TCF7L1: variants seen among roughly 807,000 people sequenced by gnomAD.
TCF7L1 encodes transcription factor 7 like 1, also known as transcription factor 7-like 1.
TCF7L1 carries 18 observed loss-of-function variants against 63.7 expected under a neutral mutation model. The ratio of observed to expected loss-of-function variants is 0.28; its 90% CI spans 0.20 to 0.42. The LOEUF (loss-of-function observed/expected upper bound fraction) is 0.42. TCF7L1 is among the 10% of genes least tolerant of loss of function. The pLI, the probability that TCF7L1 is intolerant of heterozygous loss-of-function variation, is 1.00. For missense variants in TCF7L1, 654 were observed against 779.3 expected (o/e 0.84, Z 1.91); for synonymous variants, 355 against 340.9 (o/e 1.04, Z -0.46).
rs534425547 is a variant in TCF7L1 at position 85,172,995 on chromosome 2, G to A, written c.441+38545G>A. Among the ~76,000 whole-genome samples, 68 of 152,382 alleles carry A rather than the reference G, an allele frequency of 4.5e-4. 1 individual carries two copies. The highest frequency in any genetic ancestry group is 1.6e-3 in the African/African-American group (65 of 41,584). ...ACTGGTCTACCCCAGCACCCGGACAGTGTCAGCACACCGGAGGTGCCCAAG... is the reference window on the plus strand; with the variant it reads ...ACTGGTCTACCCCAGCACCCGGACAATGTCAGCACACCGGAGGTGCCCAAG... On this transcript the variant is annotated intron_variant, in intron 3 of 11. Transcript: ENST00000282111.
intron 4 of TCF7L1, among the ~76,000 whole-genome samples, chr2:85,292,623 C>G (rs898441997): frequency 6.6e-6 from 1 of 152,182 alleles, no homozygotes; most frequent in African/African-American, 2.4e-5. Flanking sequence ...GTCACCCAGG[C>G]TGGAGTGCAG....
intron 3 of TCF7L1, among the ~76,000 whole-genome samples, chr2:85,253,018 G>T (rs1389080276): frequency 6.6e-6 from 1 of 152,170 alleles, no homozygotes; most frequent in Non-Finnish European, 1.5e-5. Context: ...AGCATGTCAT[G>T]ACATGGAAGA....
Position 85,133,910 on chromosome 2 carries a change from C to T in TCF7L1, c.226C>T (p.Gln76Ter). ...GTCCCTGGTCAACGAGTCGGAGAACCAGAGCAGCAGCTCGGACTCGGAGGT... is the reference window on the plus strand; with the variant it reads ...GTCCCTGGTCAACGAGTCGGAGAACTAGAGCAGCAGCTCGGACTCGGAGGT... The part of the protein sequence containing the change: ...KSSLVNESEN[Q>*]SSSSDSEAER... The change falls in exon 1 of 12, where the codon CAG becomes TAG. Residue 76 changes from glutamine (Q) to a stop codon, truncating the protein, a stop_gained. Coordinates refer to ENST00000282111, the MANE Select transcript of TCF7L1 (RefSeq NM_031283.3). LOFTEE classifies it high-confidence loss of function. The surrounding 1 kb of genome is among the most constrained non-coding windows in gnomAD (Gnocchi z 4.4). The T allele has an allele frequency of 6.6e-7, 1 of 1,525,532 alleles. No individual in the cohort carries two copies. The highest frequency in any genetic ancestry group is 1.2e-5 in the South Asian group (1 of 80,036). The allele number at this position is 1,525,532 out of a possible 1,614,324, so 94.5% of individuals were successfully genotyped here.
chr2:85,250,633 C>T (rs1372086226), intron 3 of TCF7L1, among the ~76,000 whole-genome samples: 2 of 152,100 alleles, frequency 1.3e-5, no homozygotes, highest in Non-Finnish European at 2.9e-5. Flanking sequence ...GACAGGGTTT[C>T]GCCATGTTGG....
At chr2:85,147,217 T>G (rs1677899846) in intron 3 of TCF7L1, among the ~76,000 whole-genome samples, 1 of 152,224 alleles carries the variant, frequency 6.6e-6, no homozygotes, top group Non-Finnish European at 1.5e-5. Flanking sequence ...GCAGTCTGCC[T>G]AGGCCGTGTC....
intron 3 of TCF7L1, among the ~76,000 whole-genome samples, chr2:85,145,849 A>AT (rs539242348): frequency 1.3e-5 from 2 of 151,946 alleles, no homozygotes; most frequent in Non-Finnish European, 2.9e-5. Context: ...CTATGTTTTT[A>AT]TTTTATTTTA....
At position 85,226,916 on chromosome 2, in the gene TCF7L1, A is replaced by T. The variant is rs150035919; in HGVS notation, c.442-56579A>T. 9.9e-3 allele frequency among the ~76,000 whole-genome samples: 1,494 copies of T among 151,452 alleles called. 24 individuals are homozygous for T. The highest frequency in any genetic ancestry group is 0.034 in the African/African-American group (1,413 of 41,202). ...CATCCTCATTGATCATAAATTGAACACAAGGTCTTGCTTCTAAGACAGCGA... is the reference window on the plus strand; with the variant it reads ...CATCCTCATTGATCATAAATTGAACTCAAGGTCTTGCTTCTAAGACAGCGA... On this transcript the variant is annotated intron_variant, in intron 3 of 11. Coordinates refer to ENST00000282111, the MANE Select transcript of TCF7L1 (RefSeq NM_031283.3).
rs1439046464 is a variant in TCF7L1, at chr2:85,151,707, A to G, written c.441+17257A>G. 2.6e-5 allele frequency among the ~76,000 whole-genome samples: 4 copies of G among 152,242 alleles called. No homozygotes were observed. The East Asian group carries it at 7.7e-4, about 29-fold the overall frequency. ...ACCAGTTTGCCACTTACTTTGATAA[A>G]TAAAGTTTTATTAGAACACAGCTAT... is the stretch of plus-strand genomic sequence containing the variant. On this transcript the variant is annotated intron_variant, in intron 3 of 11. Transcript: ENST00000282111.
intron 6 of TCF7L1, 36 bp from the exon 7 acceptor site, chr2:85,304,219 T>C: frequency 6.3e-7 from 1 of 1,594,834 alleles, no homozygotes; most frequent in Non-Finnish European, 8.6e-7. Context: ...CCCTGAGCTT[T>C]CCCAATATGC....
Position 85,153,408 on chromosome 2 carries a change from C to A in TCF7L1, c.441+18958C>A, listed in dbSNP as rs1323765605. Among the ~76,000 whole-genome samples the A allele has an allele frequency of 2.9e-5, 4 of 137,060 alleles. No individual in the cohort carries two copies. The East Asian group carries it at 8.8e-4, about 30-fold the overall frequency. The allele number at this position is 137,060 out of a possible 152,430, so 89.9% of individuals were successfully genotyped here. A position where few individuals can be genotyped will look rare whatever the true frequency, so the allele number is the denominator to read the frequency against. On this transcript the variant is annotated intron_variant, in intron 3 of 11. Coordinates refer to ENST00000282111, the MANE Select transcript of TCF7L1 (RefSeq NM_031283.3). Reference sequence around the variant, plus strand: ...CCAGGCTGGAGTACAGTGGCACGATCTTGGCTCATTGCAAGCTCCGCCTCC... The same window carrying A: ...CCAGGCTGGAGTACAGTGGCACGATATTGGCTCATTGCAAGCTCCGCCTCC...
At chr2:85,193,787 G>A (rs1464295689) in intron 3 of TCF7L1, among the ~76,000 whole-genome samples, 3 of 152,188 alleles carry the variant, frequency 2.0e-5, no homozygotes, top group Non-Finnish European at 2.9e-5. Context: ...GACAAAAGGG[G>A]ACATCATGTG....
At position 85,161,907 on chromosome 2, in the gene TCF7L1, G is replaced by C. The variant is rs565979864; in HGVS notation, c.441+27457G>C. 4.9e-4 allele frequency among the ~76,000 whole-genome samples: 75 copies of C among 152,272 alleles called. 1 individual carries two copies. In the South Asian group the frequency reaches 0.015, roughly 31 times the overall value. On this transcript the variant is annotated intron_variant, in intron 3 of 11. Coordinates refer to ENST00000282111, the MANE Select transcript of TCF7L1 (RefSeq NM_031283.3). Reference sequence around the variant, plus strand: ...AAACAGAGCCGGAGGGGGAGCCAGGGGAACAGTCCCACATGGGAAACAGAG... The same window carrying C: ...AAACAGAGCCGGAGGGGGAGCCAGGCGAACAGTCCCACATGGGAAACAGAG...
At chr2:85,206,160 G>A (rs529647243) in intron 3 of TCF7L1, among the ~76,000 whole-genome samples, 7 of 152,376 alleles carry the variant, frequency 4.6e-5, no homozygotes, top group South Asian at 4.1e-4. Context: ...ATGAGCACAC[G>A]TGGCTCAAGA....
chr2:85,196,760 A>C (rs1356179894), intron 3 of TCF7L1, among the ~76,000 whole-genome samples: 1 of 152,210 alleles, frequency 6.6e-6, no homozygotes, highest in Non-Finnish European at 1.5e-5. Context: ...AATCACCTCT[A>C]TATTGGGTAG....
rs144287597 is a variant in TCF7L1, at chr2:85,214,038, G to A, written c.442-69457G>A. 2.1e-3 allele frequency among the ~76,000 whole-genome samples: 321 copies of A among 152,298 alleles called. 1 individual carries two copies. The highest frequency in any genetic ancestry group is 7.3e-3 in the African/African-American group (305 of 41,564). ...CCCCTGACTCAGCCACCTCCGGGGC[G>A]GTGAGAGGTGTGAGGGATGATCGGG... On this transcript the variant is annotated intron_variant, in intron 3 of 11. Coordinates refer to ENST00000282111, the MANE Select transcript of TCF7L1 (RefSeq NM_031283.3).
At chr2:85,299,322 G>C (rs1413412993) in intron 4 of TCF7L1, among the ~76,000 whole-genome samples, 2 of 151,948 alleles carry the variant, frequency 1.3e-5, no homozygotes, top group African/African-American at 4.8e-5. Context: ...GGCTGAGGCA[G>C]GGGGATCGCC....
At position 85,307,733 on chromosome 2, in the gene TCF7L1, C is replaced by CT. The variant is rs755416079; in HGVS notation, c.1333+17dup. ...GAGGCAGAGGGTGCGTCTCGGGGCA[C>CT]TGGCCTCTTCTCCTGCTTTTCCTTT... is the stretch of plus-strand genomic sequence containing the variant. On this transcript the variant is annotated intron_variant, in intron 11 of 11. Coordinates refer to ENST00000282111, the MANE Select transcript of TCF7L1 (RefSeq NM_031283.3). 8 of 1,610,766 alleles carry CT rather than the reference C, an allele frequency of 5.0e-6. No individual in the cohort carries two copies. The African/African-American group carries it at 9.3e-5, about 19-fold the overall frequency.
At chr2:85,138,531 A>G (rs1677648497) in intron 3 of TCF7L1, among the ~76,000 whole-genome samples, 3 of 152,086 alleles carry the variant, frequency 2.0e-5, no homozygotes, top group Admixed American at 6.6e-5. Context: ...CTCAGAGTTT[A>G]ATGAGGGCTT....
At chr2:85,236,921 G>A (rs545390608) in intron 3 of TCF7L1, among the ~76,000 whole-genome samples, 27 of 152,304 alleles carry the variant, frequency 1.8e-4, no homozygotes, top group South Asian at 8.3e-4. Flanking sequence ...ACCACGGGGC[G>A]AGGGCATCAG....
Sources: gnomAD v4.1 joint callset for allele counts (sites outside exome capture counted in the v4.1 genomes callset) on GRCh38, gnomAD v4.1.1 for gene constraint, Gnocchi (gnomAD v3.1) non-coding constraint, MANE v1.5 for transcripts, NCBI Gene and HGNC (gene_info 2026-07-23, HGNC 2026-07-21) for gene names.